The following ABTB3 variants were observed in gnomAD, a reference collection of about 807,000 sequenced individuals.
ABTB3 encodes ankyrin repeat- and BTB/POZ domain-containing protein 3.
At chr12:107,621,862 A>G in the ABTB3 span, among the ~76,000 whole-genome samples, 2 of 152,246 alleles carry the variant, frequency 1.3e-5, no homozygotes, top group Admixed American at 6.5e-5. Flanking sequence ...GCCCATGATT[A>G]TAAGAATCTA....
the ABTB3 span, among the ~76,000 whole-genome samples, chr12:107,607,773 A>C: frequency 1.3e-5 from 2 of 152,124 alleles, no homozygotes; most frequent in African/African-American, 4.8e-5. Flanking sequence ...CCCATTCCGG[A>C]ATAGTTTTCA....
the ABTB3 span, among the ~76,000 whole-genome samples, chr12:107,358,468 A>T: frequency 6.6e-6 from 1 of 152,154 alleles, no homozygotes; most frequent in Admixed American, 6.5e-5. Context: ...AAAGTGGAGG[A>T]TATAAGTTCA....
At chr12:107,390,271 C>T in the ABTB3 span, among the ~76,000 whole-genome samples, 2,187 of 152,214 alleles carry the variant, frequency 0.014, 18 homozygotes, top group South Asian at 0.025. Flanking sequence ...TTTAATGCTC[C>T]CACCAATCCT....
chr12:107,350,004 G>A, the ABTB3 span, among the ~76,000 whole-genome samples: 3 of 152,280 alleles, frequency 2.0e-5, no homozygotes, highest in East Asian at 5.8e-4. Flanking sequence ...GACAATGCGA[G>A]AGCACAAAAT....
the ABTB3 span, among the ~76,000 whole-genome samples, chr12:107,598,517 G>T: frequency 6.6e-6 from 1 of 152,336 alleles, no homozygotes; most frequent in African/African-American, 2.4e-5. Context: ...TTACTATGAG[G>T]AAGAAGTGGA....
the ABTB3 span, among the ~76,000 whole-genome samples, chr12:107,331,213 T>G: frequency 6.6e-6 from 1 of 152,358 alleles, no homozygotes; most frequent in African/African-American, 2.4e-5. Flanking sequence ...TTTCTCTCTC[T>G]GACTCCTCCC....
At chr12:107,463,492 C>T in the ABTB3 span, among the ~76,000 whole-genome samples, 1 of 152,108 alleles carries the variant, frequency 6.6e-6, no homozygotes, top group Non-Finnish European at 1.5e-5. Context: ...GGGGTAGGTT[C>T]TGTGATTACT....
chr12:107,567,843 C>A, the ABTB3 span, among the ~76,000 whole-genome samples: 7 of 152,210 alleles, frequency 4.6e-5, no homozygotes, highest in African/African-American at 1.7e-4. Context: ...ACCATTCCCC[C>A]CTACCCCCAG....
At chr12:107,513,710 C>A in the ABTB3 span, among the ~76,000 whole-genome samples, 126 of 152,200 alleles carry the variant, frequency 8.3e-4, no homozygotes, top group Non-Finnish European at 1.6e-3. Context: ...GAGAAAAGCC[C>A]AGAGGAGAGT....
chr12:107,336,776 C>G, the ABTB3 span, among the ~76,000 whole-genome samples: 2 of 152,234 alleles, frequency 1.3e-5, no homozygotes, highest in Non-Finnish European at 2.9e-5. Context: ...AAACTTCATG[C>G]AAGCACAGAT....
the ABTB3 span, among the ~76,000 whole-genome samples, chr12:107,414,584 C>T: frequency 3.9e-3 from 601 of 152,202 alleles, 29 homozygotes; most frequent in Admixed American, 0.03. Context: ...ATAAAGGTGG[C>T]GAGACATTCG....
the ABTB3 span, among the ~76,000 whole-genome samples, chr12:107,586,492 C>T: frequency 1.3e-4 from 20 of 152,154 alleles, no homozygotes; most frequent in East Asian, 3.9e-4. Flanking sequence ...ACAGACTCTC[C>T]GGCTGGGCTG....
the ABTB3 span, among the ~76,000 whole-genome samples, chr12:107,474,557 G>T: frequency 6.6e-6 from 1 of 152,168 alleles, no homozygotes; most frequent in Non-Finnish European, 1.5e-5. Context: ...TGTACCTGGG[G>T]CTGGACCATG....
At chr12:107,605,596 C>T in the ABTB3 span, among the ~76,000 whole-genome samples, 1 of 152,156 alleles carries the variant, frequency 6.6e-6, no homozygotes, top group South Asian at 2.1e-4. Flanking sequence ...CTCAGCAGGC[C>T]CCTCCTGGAG....
the ABTB3 span, among the ~76,000 whole-genome samples, chr12:107,616,599 G>A: frequency 1.3e-5 from 2 of 152,204 alleles, no homozygotes; most frequent in Non-Finnish European, 2.9e-5. Flanking sequence ...GGCCATCCAG[G>A]TGGGGCCCCG....
chr12:107,609,050 G>T, the ABTB3 span, among the ~76,000 whole-genome samples: 59 of 151,910 alleles, frequency 3.9e-4, no homozygotes, highest in South Asian at 2.1e-3. Context: ...CCCCACGAAG[G>T]CTTGCTGGAT....
the ABTB3 span, among the ~76,000 whole-genome samples, chr12:107,544,358 C>T: frequency 6.6e-6 from 1 of 152,138 alleles, no homozygotes; most frequent in African/African-American, 2.4e-5. Flanking sequence ...TAGGATAAAA[C>T]TGGCCTATGT....
the ABTB3 span, among the ~76,000 whole-genome samples, chr12:107,470,311 T>C: frequency 6.6e-6 from 1 of 152,042 alleles, no homozygotes; most frequent in African/African-American, 2.4e-5. Flanking sequence ...AGTACTAGGA[T>C]TATAGCGTGA....
the ABTB3 span, among the ~76,000 whole-genome samples, chr12:107,526,696 T>G: frequency 1.3e-5 from 2 of 152,100 alleles, no homozygotes; most frequent in Admixed American, 6.5e-5. Flanking sequence ...CACACTAGAG[T>G]GTGAACTTGC....
Sources: gnomAD v4.1 joint callset for allele counts (sites outside exome capture counted in the v4.1 genomes callset) on GRCh38, gnomAD v4.1.1 for gene constraint, MANE v1.5 for transcripts, NCBI Gene and HGNC (gene_info 2026-07-23, HGNC 2026-07-21) for gene names.